The following PNPLA1 variants were observed in gnomAD, a reference collection of about 807,000 sequenced individuals.
PNPLA1 encodes omega-hydroxyceramide transacylase.
A neutral mutation model predicts 51.7 loss-of-function variants in PNPLA1; 36 were observed. The ratio of observed to expected loss-of-function variants is 0.70; its 90% CI spans 0.53 to 0.92. The LOEUF is 0.92. Among genes scored for constraint, PNPLA1 ranks in the 40% least tolerant of loss-of-function variants. PNPLA1 has a pLI of 0.00. For missense variants in PNPLA1, 658 were observed against 682.5 expected, an observed-to-expected ratio of 0.96 and a Z score of 0.40; for synonymous variants, 293 against 280.1, an observed-to-expected ratio of 1.05 and a Z score of -0.46.
At chr6:36,259,154 A>G (rs1769593481) in intron 1 of PNPLA1, among the ~76,000 whole-genome samples, 1 of 152,202 alleles carries the variant, frequency 6.6e-6, no homozygotes, top group Non-Finnish European at 1.5e-5. Flanking sequence ...TGACCAAGGG[A>G]GTATTATCTC....
Position 36,270,421 on chromosome 6 carries a change from G to A in PNPLA1, c.-39G>A. 6.5e-7 allele frequency: 1 copy of A among 1,547,944 alleles called. No homozygotes were observed. Among genetic ancestry groups the A allele is most frequent in the African/African-American group, 1.4e-5 (1 of 72,992 alleles). Reference sequence around the variant, plus strand: ...AGGCTCGGGCAGGCAAGTGCTGAAGGGTGGCTCCGCCTTCCGCAGAAAGTC... The same window carrying A: ...AGGCTCGGGCAGGCAAGTGCTGAAGAGTGGCTCCGCCTTCCGCAGAAAGTC... On this transcript the variant is annotated 5_prime_UTR_variant, in exon 1 of 9. Transcript: ENST00000636260.
Position 36,270,443 on chromosome 6 carries a change from A to T in PNPLA1, c.-17A>T. On this transcript the variant is annotated 5_prime_UTR_variant, in exon 1 of 9. In the 5' UTR this introduces an upstream ATG that the reference lacks. Coordinates refer to ENST00000636260, the MANE Select transcript of PNPLA1 (RefSeq NM_001374623.1). The stretch of plus-strand genomic sequence containing the variant: ...AAGGGTGGCTCCGCCTTCCGCAGAA[A>T]GTCAGAGGCCGAGGAGATGGAAGAA... The T allele has an allele frequency of 1.3e-6, 2 of 1,550,724 alleles. No individual in the cohort carries two copies. Among genetic ancestry groups the T allele is most frequent in the Middle Eastern group, 3.4e-4 (2 of 5,952 alleles).
chr6:36,291,795 C>T (rs543323031), intron 2 of PNPLA1, among the ~76,000 whole-genome samples: 2 of 152,318 alleles, frequency 1.3e-5, no homozygotes, highest in South Asian at 2.1e-4. Context: ...TCCATCCTGC[C>T]CGGCCCCCTG....
rs752989735 is a variant in PNPLA1 at position 36,294,300 on chromosome 6, G to C, written c.615G>C (p.Pro205=). The part of the protein sequence containing the change: ...GQQDICPRDC[P]AIFHDFRMFN... The stretch of plus-strand genomic sequence containing the variant: ...AGGACATCTGTCCCCGGGACTGCCC[G>C]GCCATCTTCCACGACTTCCGCATGT... The change falls in exon 4 of 9, where the codon CCG becomes CCC. Residue 205 remains proline (P), a synonymous_variant. Coordinates refer to ENST00000636260, the MANE Select transcript of PNPLA1 (RefSeq NM_001374623.1). This position sits in a 1 kb window ranked among gnomAD's most constrained non-coding sequence, Gnocchi z 4.2. 2.5e-6 allele frequency: 4 copies of C among 1,614,182 alleles called. No individual in the cohort carries two copies. The highest frequency in any genetic ancestry group is 2.2e-5 in the South Asian group (2 of 91,088).
chr6:36,276,204 C>T (rs1331304876), intron 1 of PNPLA1, among the ~76,000 whole-genome samples: 1 of 152,102 alleles, frequency 6.6e-6, no homozygotes, highest in Non-Finnish European at 1.5e-5. Flanking sequence ...AGCAATCCAC[C>T]CACCTCGGCC....
At chr6:36,280,458 T>C (rs189172739) in intron 1 of PNPLA1, among the ~76,000 whole-genome samples, 22 of 152,336 alleles carry the variant, frequency 1.4e-4, no homozygotes, top group Admixed American at 5.2e-4. Context: ...CTAAACCATA[T>C]GCAATACAGA....
At chr6:36,271,854 G>A (rs1423228734) in intron 1 of PNPLA1, among the ~76,000 whole-genome samples, 13 of 152,214 alleles carry the variant, frequency 8.5e-5, no homozygotes, top group East Asian at 1.9e-4. Flanking sequence ...GGCAGAGGGC[G>A]TGAGCTCCTC....
chr6:36,271,043 G>A (rs1769902117), intron 1 of PNPLA1, among the ~76,000 whole-genome samples: 1 of 152,162 alleles, frequency 6.6e-6, no homozygotes, highest in Non-Finnish European at 1.5e-5. Context: ...CTCCTGCCTG[G>A]CCTCTTTCAA....
In PNPLA1 at chr6:36,313,725, C is replaced by T. The variant is rs543287900; in HGVS notation, c.*1839C>T. ...TAGAGAGGCCCGCCCGGCCGCAGGC[C>T]TTTCTTCCAGGAGTGGCCTCCATGT... On this transcript the variant is annotated 3_prime_UTR_variant, in exon 9 of 9. Transcript: ENST00000636260. Among the ~76,000 whole-genome samples the T allele has an allele frequency of 6.6e-6, 1 of 152,242 alleles. No individual in the cohort carries two copies. Among genetic ancestry groups the T allele is most frequent in the Non-Finnish European group, 1.5e-5 (1 of 68,044 alleles).
intron 1 of PNPLA1, among the ~76,000 whole-genome samples, chr6:36,282,937 C>T (rs1456008821): frequency 2.0e-5 from 3 of 152,192 alleles, no homozygotes; most frequent in Non-Finnish European, 4.4e-5. Flanking sequence ...CCCACCTTGG[C>T]CTCCCAAAGT....
chr6:36,257,736 G>C (rs1230206092), intron 1 of PNPLA1, among the ~76,000 whole-genome samples: 3 of 152,098 alleles, frequency 2.0e-5, no homozygotes, highest in African/African-American at 7.2e-5. Context: ...TTTTACATCT[G>C]AGTTGTCTCA....
At chr6:36,300,838 G>A (rs1013013734) in intron 5 of PNPLA1, among the ~76,000 whole-genome samples, 4 of 152,186 alleles carry the variant, frequency 2.6e-5, no homozygotes, top group Admixed American at 1.3e-4. Context: ...AAAGGGTCAA[G>A]CATCTACATA....
At chr6:36,307,199 C>A (rs1339565429) in intron 7 of PNPLA1, among the ~76,000 whole-genome samples, 1 of 152,166 alleles carries the variant, frequency 6.6e-6, no homozygotes, top group Non-Finnish European at 1.5e-5. Context: ...TTAATGTTTG[C>A]ACTCTCTCTC....
Position 36,313,696 on chromosome 6 carries a change from T to C in PNPLA1, c.*1810T>C, listed in dbSNP as rs572663449. Among the ~76,000 whole-genome samples, 42 of 152,296 alleles carry C rather than the reference T, an allele frequency of 2.8e-4. No homozygotes were observed. Among genetic ancestry groups the C allele is most frequent in the African/African-American group, 9.1e-4 (38 of 41,564 alleles). On this transcript the variant is annotated 3_prime_UTR_variant, in exon 9 of 9. Transcript: ENST00000636260. The stretch of plus-strand genomic sequence containing the variant: ...TGGAGGTGTGTACTGTGGGGGAGAC[T>C]GACTAGAGAGGCCCGCCCGGCCGCA...
intron 1 of PNPLA1, among the ~76,000 whole-genome samples, chr6:36,282,587 A>G (rs547156249): frequency 6.6e-6 from 1 of 152,370 alleles, no homozygotes; most frequent in South Asian, 2.1e-4. Context: ...ATGTTAATCC[A>G]TCCACCTGGT....
chr6:36,301,452 C>A (rs535840001), intron 5 of PNPLA1, among the ~76,000 whole-genome samples: 1 of 152,058 alleles, frequency 6.6e-6, no homozygotes, highest in Non-Finnish European at 1.5e-5. Flanking sequence ...AGGCCCCCGA[C>A]CACCTGGTGT....
At chr6:36,245,889 C>T (rs989363366) in intron 1 of PNPLA1, among the ~76,000 whole-genome samples, 1 of 152,244 alleles carries the variant, frequency 6.6e-6, no homozygotes, top group African/African-American at 2.4e-5. Context: ...GCCACACTGC[C>T]TCCCAGCGGC....
intron 1 of PNPLA1, among the ~76,000 whole-genome samples, chr6:36,244,329 T>A (rs1246738922): frequency 1.3e-5 from 2 of 152,170 alleles, no homozygotes; most frequent in Non-Finnish European, 2.9e-5. Flanking sequence ...AATGAGTATA[T>A]TCCATAGATA....
Position 36,301,997 on chromosome 6 carries a change from G to A in PNPLA1, c.912G>A (p.Leu304=), listed in dbSNP as rs1198446395. ...GCCTTCGAGCACGGCAGGCCAGTCTGGAAGGAGCCACACAACCTCACAAGG... is the reference window on the plus strand; with the variant it reads ...GCCTTCGAGCACGGCAGGCCAGTCTAGAAGGAGCCACACAACCTCACAAGG... ...QPSLRARQAS[L]EGATQPHKEW... Residue 304 remains leucine, a synonymous_variant, in exon 6 of 9, where the codon CTG becomes CTA. Transcript: ENST00000636260. 1 of 1,614,088 alleles carries A rather than the reference G, an allele frequency of 6.2e-7. No individual in the cohort carries two copies. Among genetic ancestry groups the A allele is most frequent in the African/African-American group, 1.3e-5 (1 of 74,934 alleles).
Sources: gnomAD v4.1 joint callset for allele counts (sites outside exome capture counted in the v4.1 genomes callset) on GRCh38, gnomAD v4.1.1 for gene constraint, Gnocchi (gnomAD v3.1) non-coding constraint, MANE v1.5 for transcripts, NCBI Gene and HGNC (gene_info 2026-07-23, HGNC 2026-07-21) for gene names.